NPAS3: variants seen among roughly 807,000 people sequenced by gnomAD.
The protein encoded by NPAS3 is neuronal PAS domain-containing protein 3.
NPAS3 carries 14 observed loss-of-function variants against 73.1 expected under a neutral mutation model. The observed-to-expected ratio is 0.19, with a 90% confidence interval of 0.13 to 0.30. The LOEUF is 0.30. NPAS3 is among the 10% of genes least tolerant of loss of function. The pLI is 1.00. For missense variants in NPAS3, 1,096 were observed against 1,250.0 expected (o/e 0.88, Z 1.86); for synonymous variants, 620 against 541.5 (o/e 1.14, Z -2.01).
chr14:33,472,016 G>GTCA (rs1394861639), intron 4 of NPAS3, among the ~76,000 whole-genome samples: 1 of 152,228 alleles, frequency 6.6e-6, no homozygotes, highest in Non-Finnish European at 1.5e-5. Flanking sequence ...CTGATGATCT[G>GTCA]TCACTGTCTC....
intron 7 of NPAS3, among the ~76,000 whole-genome samples, chr14:33,770,059 C>A (rs2062603198): frequency 6.6e-6 from 1 of 152,004 alleles, no homozygotes; most frequent in African/African-American, 2.4e-5. Flanking sequence ...GCCACAATGC[C>A]CAGCCTGGAA....
At chr14:33,096,062 G>A (rs1365652048) in intron 2 of NPAS3, among the ~76,000 whole-genome samples, 2 of 150,968 alleles carry the variant, frequency 1.3e-5, no homozygotes, top group African/African-American at 4.9e-5. Context: ...GACAACAGGG[G>A]TTTGTTCTGA....
intron 3 of NPAS3, among the ~76,000 whole-genome samples, chr14:33,248,716 C>T (rs1279732314): frequency 6.6e-6 from 1 of 152,142 alleles, no homozygotes; most frequent in Non-Finnish European, 1.5e-5. Context: ...TTGGTTGTCA[C>T]CATCATAATG....
upstream of NPAS3, among the ~76,000 whole-genome samples, chr14:32,935,880 A>G (rs900842283): frequency 1.3e-5 from 2 of 152,328 alleles, no homozygotes; most frequent in Middle Eastern, 3.4e-3. Flanking sequence ...AAAAACTAAC[A>G]ATGTACTATG....
At chr14:33,122,583 A>C (rs2139044833) in intron 2 of NPAS3, among the ~76,000 whole-genome samples, 2 of 152,272 alleles carry the variant, frequency 1.3e-5, no homozygotes, top group Non-Finnish European at 2.9e-5. Flanking sequence ...CAAGTGTTTT[A>C]AGGAACCTGT....
intron 2 of NPAS3, among the ~76,000 whole-genome samples, chr14:33,192,556 G>A (rs1485376589): frequency 6.6e-6 from 1 of 152,154 alleles, no homozygotes; most frequent in Non-Finnish European, 1.5e-5. Flanking sequence ...CTTATGGAGT[G>A]AGTGGTGATG....
At chr14:33,078,892 G>T (rs917938177) in intron 2 of NPAS3, among the ~76,000 whole-genome samples, 1 of 152,076 alleles carries the variant, frequency 6.6e-6, no homozygotes, top group Non-Finnish European at 1.5e-5. Context: ...TTTAGAATAA[G>T]AATTTATTTT....
chr14:33,095,686 T>TTTA (rs2042390142), intron 2 of NPAS3, among the ~76,000 whole-genome samples: 4 of 127,270 alleles, frequency 3.1e-5, no homozygotes, highest in Non-Finnish European at 6.7e-5. Flanking sequence ...TTTTTTTTTT[T>TTTA]GAGAGGGAGT....
At chr14:33,686,788 CA>C (rs1290943668) in intron 6 of NPAS3, among the ~76,000 whole-genome samples, 1 of 152,122 alleles carries the variant, frequency 6.6e-6, no homozygotes, top group Non-Finnish European at 1.5e-5. Flanking sequence ...AACAGCTGTC[CA>C]ACCCCTGCGC....
chr14:32,939,906 C>T (rs2035910523), intron 1 of NPAS3, among the ~76,000 whole-genome samples: 2 of 152,004 alleles, frequency 1.3e-5, no homozygotes, highest in African/African-American at 2.4e-5. Flanking sequence ...CGCGGAGGGG[C>T]CGGCTCCGTC....
chr14:32,944,557 G>C (rs2036171830), intron 1 of NPAS3, among the ~76,000 whole-genome samples: 2 of 152,090 alleles, frequency 1.3e-5, no homozygotes, highest in Admixed American at 1.3e-4. Flanking sequence ...GTAAATAGTG[G>C]CCTTTTTTCC....
At chr14:33,311,178 G>A (rs958746466) in intron 3 of NPAS3, among the ~76,000 whole-genome samples, 2 of 152,184 alleles carry the variant, frequency 1.3e-5, no homozygotes, top group African/African-American at 4.8e-5. Flanking sequence ...TTCTCTGGAT[G>A]TTTGTCGTCC....
At chr14:33,793,986 G>A (rs1350167381) in exon 10 of NPAS3, 2 of 1,613,676 alleles carry the variant, frequency 1.2e-6, no homozygotes, top group Non-Finnish European at 1.7e-6. Context: ...TGCCACCATA[G>A]CTATTAATGC....
intron 7 of NPAS3, among the ~76,000 whole-genome samples, chr14:33,765,424 G>A (rs2062430575): frequency 6.6e-6 from 1 of 152,108 alleles, no homozygotes; most frequent in African/African-American, 2.4e-5. Flanking sequence ...GGGGCCGGCT[G>A]GGCTAGGGGG....
chr14:33,731,055 C>A (rs1470214237), intron 6 of NPAS3, among the ~76,000 whole-genome samples: 3 of 151,604 alleles, frequency 2.0e-5, no homozygotes, highest in African/African-American at 7.3e-5. Context: ...TTTTTTTCTC[C>A]CTCACACATC....
At chr14:33,542,479 A>G (rs1420663548) in intron 4 of NPAS3, among the ~76,000 whole-genome samples, 2 of 152,110 alleles carry the variant, frequency 1.3e-5, no homozygotes. Flanking sequence ...CTCCAGGTTC[A>G]GGGATGCAGT....
At chr14:32,937,985 G>A (rs2035752643), upstream of NPAS3, among the ~76,000 whole-genome samples, 1 of 152,188 alleles carries the variant, frequency 6.6e-6, no homozygotes, top group Non-Finnish European at 1.5e-5. Context: ...TTGCTGAACT[G>A]TCAAACCGGG....
Position 33,544,825 on chromosome 14 carries a change from A to ATATATATATATTATATATATATATATAAT in NPAS3, c.469-15293_469-15292insATATATATTATATATATATATATAATTAT. 1.3e-3 allele frequency among the ~76,000 whole-genome samples: 146 copies of ATATATATATATTATATATATATATATAAT among 111,950 alleles called. 3 individuals are homozygous for ATATATATATATTATATATATATATATAAT. The highest frequency in any genetic ancestry group is 2.9e-3 in the East Asian group (12 of 4,180). 73.4% of individuals were successfully genotyped at this position (111,950 alleles called of 152,430 possible). ...ATATATATATATGTATATATAATAT[A>ATATATATATATTATATATATATATATAAT]TATGTGTATATATATATTATATATA... On this transcript the variant is annotated intron_variant, in intron 4 of 11. Coordinates refer to ENST00000356141, the Ensembl canonical transcript of NPAS3.
intron 2 of NPAS3, among the ~76,000 whole-genome samples, chr14:33,137,753 T>C (rs1352820377): frequency 6.6e-6 from 1 of 152,228 alleles, no homozygotes; most frequent in Non-Finnish European, 1.5e-5. Flanking sequence ...CCAGTATCTT[T>C]GTCGTGTTAG....
Sources: allele counts gnomAD v4.1 joint callset (sites outside exome capture counted in the v4.1 genomes callset), GRCh38; gene constraint gnomAD v4.1.1; transcripts MANE v1.5; gene names NCBI Gene and HGNC (gene_info 2026-07-23, HGNC 2026-07-21).